The following RARB variants were observed in gnomAD, a reference collection of about 807,000 sequenced individuals.
RARB encodes the protein retinoic acid receptor beta, also known as HBV-activated protein.
A neutral mutation model predicts 51.9 loss-of-function variants in RARB; 17 were observed. That is an observed-to-expected ratio of 0.33 (90% confidence interval 0.22 to 0.49). The LOEUF (loss-of-function observed/expected upper bound fraction) is 0.49, where lower values mean the gene tolerates loss of function less well. Among genes scored for constraint, RARB ranks in the 20% least tolerant of loss-of-function variants. The pLI, the probability that RARB is intolerant of heterozygous loss-of-function variation, is 0.99. For missense variants in RARB, 369 were observed against 550.8 expected, an observed-to-expected ratio of 0.67 and a Z score of 3.30; for synonymous variants, 215 against 195.4, an observed-to-expected ratio of 1.10 and a Z score of -0.84.
chr3:25,567,680 G>A (rs1020412243), intron 3 of RARB, among the ~76,000 whole-genome samples: 4 of 152,120 alleles, frequency 2.6e-5, no homozygotes, highest in African/African-American at 4.8e-5. Context: ...GAATTGCTGC[G>A]TCACATGGTA....
At chr3:25,246,024 T>C (rs1389298080) in intron 5 of RARB, among the ~76,000 whole-genome samples, 1 of 152,186 alleles carries the variant, frequency 6.6e-6, no homozygotes, top group African/African-American at 2.4e-5. Flanking sequence ...TCCCTTTCCA[T>C]TCTTTTTTCT....
chr3:25,314,840 G>A (rs1264623320), intron 5 of RARB, among the ~76,000 whole-genome samples: 2 of 152,044 alleles, frequency 1.3e-5, no homozygotes, highest in African/African-American at 2.4e-5. Context: ...GTCCTTACCT[G>A]CCTGCCTCCT....
At chr3:25,253,064 C>A (rs1379526549) in intron 5 of RARB, among the ~76,000 whole-genome samples, 1 of 152,146 alleles carries the variant, frequency 6.6e-6, no homozygotes, top group East Asian at 1.9e-4. Flanking sequence ...ATTCACAAAT[C>A]TTGATTACAT....
chr3:25,005,073 G>A (rs80058139), intron 2 of RARB, among the ~76,000 whole-genome samples: 5 of 152,130 alleles, frequency 3.3e-5, no homozygotes, highest in Middle Eastern at 3.4e-3. Context: ...TGTTTCTAGT[G>A]GTTTGAGTGG....
intron 3 of RARB, among the ~76,000 whole-genome samples, chr3:25,529,806 A>G (rs776246490): frequency 2.0e-5 from 3 of 152,242 alleles, no homozygotes; most frequent in Admixed American, 6.5e-5. Flanking sequence ...AAAGAAAAGT[A>G]TATGGCGGAC....
At chr3:25,351,095 T>C (rs1016163471) in intron 5 of RARB, among the ~76,000 whole-genome samples, 1 of 152,198 alleles carries the variant, frequency 6.6e-6, no homozygotes, top group South Asian at 2.1e-4. Flanking sequence ...CGCTATATTA[T>C]TTCCAATTAA....
intron 3 of RARB, among the ~76,000 whole-genome samples, chr3:25,077,502 G>A (rs1279616359): frequency 6.6e-6 from 1 of 152,052 alleles, no homozygotes; most frequent in African/African-American, 2.4e-5. Context: ...ATTCATCCAT[G>A]TCGTTGTATG....
chr3:24,911,727 A>G (rs931803443), intron 2 of RARB, among the ~76,000 whole-genome samples: 2 of 152,154 alleles, frequency 1.3e-5, no homozygotes, highest in African/African-American at 2.4e-5. Context: ...CCAAGATGGG[A>G]GGATCACTTG....
chr3:25,281,866 C>G (rs1262686703), intron 5 of RARB, among the ~76,000 whole-genome samples: 1 of 152,178 alleles, frequency 6.6e-6, no homozygotes, highest in Non-Finnish European at 1.5e-5. Context: ...ACAGGGATAT[C>G]TCCTGTTTGG....
At chr3:24,995,190 G>A (rs1271544577) in intron 2 of RARB, among the ~76,000 whole-genome samples, 1 of 150,810 alleles carries the variant, frequency 6.6e-6, no homozygotes, top group African/African-American at 2.4e-5. Flanking sequence ...AGTTTTTTAA[G>A]TAAAGGTCCT....
Position 24,833,550 on chromosome 3 carries a change from G to A in RARB, c.-459+4147G>A, listed in dbSNP as rs185980701. ...ACATCTATTCAATTGCCCACTTAAC[G>A]TCTCCATTTGGATGTTTCCCAAGCA... is the stretch of plus-strand genomic sequence containing the variant. On this transcript the variant is annotated intron_variant, in intron 1 of 11. Transcript: ENST00000383772. 3.3e-3 allele frequency among the ~76,000 whole-genome samples: 505 copies of A among 152,160 alleles called. 3 individuals carry two copies. Among genetic ancestry groups the A allele is most frequent in the South Asian group, 0.014 (68 of 4,816 alleles).
rs528096856 is a variant in RARB, at chr3:25,230,905, A to G, written c.178+56330A>G. On this transcript the variant is annotated intron_variant, in intron 5 of 11. Coordinates refer to the RARB transcript ENST00000383772. ...AAACTTAGCCACACAGGACTACCAT[A>G]TTAGACAACACAAATCTAGTTGGTC... 1.2e-4 allele frequency among the ~76,000 whole-genome samples: 19 copies of G among 152,298 alleles called. No individual in the cohort carries two copies. The East Asian group carries it at 1.5e-3, about 12-fold the overall frequency.
At chr3:25,563,738 G>A (rs967252551) in intron 3 of RARB, among the ~76,000 whole-genome samples, 12 of 152,244 alleles carry the variant, frequency 7.9e-5, no homozygotes, top group African/African-American at 2.4e-4. Context: ...CAGTGTGTTA[G>A]TTACAGGTCA....
rs542930886 is a variant in RARB at position 25,401,469 on chromosome 3, C to G, written c.179-59724C>G. On this transcript the variant is annotated intron_variant, in intron 5 of 11. Transcript: ENST00000383772. ...GACCAGGAAAAAACAGATAATAAAA[C>G]AGACCATAGGTGATCCAGATATTAT... Among the ~76,000 whole-genome samples, 14 of 152,216 alleles carry G rather than the reference C, an allele frequency of 9.2e-5. No homozygotes were observed. In the East Asian group the frequency reaches 1.4e-3, roughly 15 times the overall value.
At chr3:25,137,656 C>A (rs1402794856) in intron 4 of RARB, among the ~76,000 whole-genome samples, 1 of 151,990 alleles carries the variant, frequency 6.6e-6, no homozygotes, top group African/African-American at 2.4e-5. Flanking sequence ...AAATTAATAT[C>A]TTAGTGGAAG....
chr3:25,410,180 C>A (rs185018674), intron 5 of RARB, among the ~76,000 whole-genome samples: 1 of 152,286 alleles, frequency 6.6e-6, no homozygotes, highest in East Asian at 1.9e-4. Flanking sequence ...TAGTCTGTCA[C>A]AATAGCTGGC....
intron 2 of RARB, among the ~76,000 whole-genome samples, chr3:24,961,982 T>TGCAATG (rs1411132970): frequency 1.7e-5 from 2 of 116,486 alleles, no homozygotes; most frequent in Non-Finnish European, 3.2e-5. Flanking sequence ...CAGGCTAGAG[T>TGCAATG]GCAATGGCGC....
chr3:25,461,258 C>T lies in RARB; in HGVS notation c.223C>T (p.Pro75Ser). 2 of 1,614,082 alleles carry T rather than the reference C, an allele frequency of 1.2e-6. No homozygotes were observed. The highest frequency in any genetic ancestry group is 1.7e-6 in the Non-Finnish European group (2 of 1,179,986). Residue 75 changes from proline (P) to serine (S), a missense_variant, in exon 2 of 8, where the codon CCT (proline) becomes TCT (serine). Physicochemically the swap from Pro to Ser is moderately conservative, Grantham distance 74 (BLOSUM62 -1). Around this residue, in one of 9 missense-constraint regions of RARB, gnomAD observed 99 missense variants for 95.1 expected, o/e 1.04. Coordinates refer to ENST00000330688, the MANE Select transcript of RARB (RefSeq NM_000965.5). Reference protein sequence around the residue: ...VPSPPSPLPPPRVYKPCFVCQ... With the variant: ...VPSPPSPLPPSRVYKPCFVCQ... Reference sequence around the variant, plus strand: ...AAGCCCCCCATCTCCACTTCCTCCCCCTCGAGTGTACAAACCCTGCTTCGT... The same window carrying T: ...AAGCCCCCCATCTCCACTTCCTCCCTCTCGAGTGTACAAACCCTGCTTCGT...
At chr3:25,222,547 T>G (rs555780918) in intron 5 of RARB, among the ~76,000 whole-genome samples, 1 of 152,068 alleles carries the variant, frequency 6.6e-6, no homozygotes, top group East Asian at 1.9e-4. Context: ...CTCCAATAAA[T>G]AGAAGATAGA....
Sources: gnomAD v4.1 joint callset for allele counts (sites outside exome capture counted in the v4.1 genomes callset) on GRCh38, gnomAD v4.1.1 for gene constraint, gnomAD v4.1.1 regional missense constraint, MANE v1.5 for transcripts, NCBI Gene and HGNC (gene_info 2026-07-23, HGNC 2026-07-21) for gene names.